Variants in RAB31 observed in about 807,000 individuals in gnomAD.
RAB31 encodes the protein RAB31, member RAS oncogene family.
RAB31 carries 21 observed loss-of-function variants against 25.6 expected under a neutral mutation model. That is an observed-to-expected ratio of 0.82 (90% confidence interval 0.58 to 1.18). RAB31 has a LOEUF of 1.18. RAB31 is among the 50% of genes most tolerant of loss of function. The probability of loss-of-function intolerance (pLI) is 0.00; values close to 1 mark genes in which losing one functional copy is unlikely to be tolerated. For missense variants in RAB31, 196 were observed against 250.1 expected (o/e 0.78, Z 1.46); for synonymous variants, 87 against 84.0 (o/e 1.04, Z -0.20).
chr18:9,816,502 T>C (rs1183262589), intron 5 of RAB31, among the ~76,000 whole-genome samples: 5 of 152,262 alleles, frequency 3.3e-5, no homozygotes, highest in Admixed American at 3.3e-4. Flanking sequence ...ATATTTTTCA[T>C]AGCATACCTG....
chr18:9,800,204 G>A (rs2068506917), intron 3 of RAB31, among the ~76,000 whole-genome samples: 1 of 152,228 alleles, frequency 6.6e-6, no homozygotes, highest in African/African-American at 2.4e-5. Flanking sequence ...CGTTCATGAA[G>A]AGGTGAAGAG....
At chr18:9,785,009 G>A (rs1490053667) in intron 2 of RAB31, 1 of 152,240 alleles carries the variant, frequency 6.6e-6, no homozygotes, top group East Asian at 1.9e-4. Flanking sequence ...CAGATCACAA[G>A]GGGTGGTCAC....
rs1284145296 is a variant in RAB31 at position 9,719,326 on chromosome 18, T to TAA, written c.39+10883_39+10884insAA. ...ATATATATATATATATATATATATA[T>TAA]ATAAATAAATAAATTTGATCTAATT... is the stretch of plus-strand genomic sequence containing the variant. On this transcript the variant is annotated intron_variant, in intron 1 of 6. Transcript: ENST00000578921. Among the ~76,000 whole-genome samples the TAA allele has an allele frequency of 4.4e-3, 278 of 63,392 alleles. 8 individuals are homozygous for TAA. Among genetic ancestry groups the TAA allele is most frequent in the African/African-American group, 0.018 (267 of 14,758 alleles). The allele number at this position is 63,392 out of a possible 152,430, so 41.6% of individuals were successfully genotyped here.
intron 1 of RAB31, among the ~76,000 whole-genome samples, chr18:9,769,733 G>C (rs1456426909): frequency 1.3e-5 from 2 of 152,202 alleles, no homozygotes; most frequent in African/African-American, 2.4e-5. Flanking sequence ...ATGCTGAATA[G>C]GAGTGGTGAG....
rs927832239 is a variant in RAB31, at chr18:9,824,288, GTGTA to G, written c.380+9070_380+9073del. ...TGTGTAGATGTGTATGTAGATGTGT[GTGTA>G]TGTGTGTGTAGATGTGTATGTGTGT... On this transcript the variant is annotated intron_variant, in intron 5 of 6. Coordinates refer to ENST00000578921, the MANE Select transcript of RAB31 (RefSeq NM_006868.4). Among the ~76,000 whole-genome samples, 30 of 86,732 alleles carry G rather than the reference GTGTA, an allele frequency of 3.5e-4. 1 individual carries two copies. Among genetic ancestry groups the G allele is most frequent in the Admixed American group, 2.1e-3 (20 of 9,708 alleles). 56.9% of individuals were successfully genotyped at this position (86,732 alleles called of 152,430 possible). A position where few individuals can be genotyped will look rare whatever the true frequency, so the allele number is the denominator to read the frequency against.
chr18:9,849,086 C>T (rs933928209), intron 6 of RAB31, among the ~76,000 whole-genome samples: 1 of 152,142 alleles, frequency 6.6e-6, no homozygotes, highest in Non-Finnish European at 1.5e-5. Context: ...TGTCTGCCTG[C>T]ATGTGGCTAA....
intron 5 of RAB31, among the ~76,000 whole-genome samples, chr18:9,832,225 G>A (rs1051702399): frequency 3.3e-5 from 5 of 152,202 alleles, no homozygotes; most frequent in African/African-American, 1.2e-4. Flanking sequence ...ACCCCAGGCC[G>A]GTGGTGGCCT....
chr18:9,827,640 A>G (rs2068656612), intron 5 of RAB31, among the ~76,000 whole-genome samples: 1 of 152,198 alleles, frequency 6.6e-6, no homozygotes, highest in African/African-American at 2.4e-5. Context: ...GACTGCTGCC[A>G]GGGAGTCCAG....
chr18:9,768,842 T>A (rs914597895), intron 1 of RAB31, among the ~76,000 whole-genome samples: 28 of 152,226 alleles, frequency 1.8e-4, no homozygotes, highest in African/African-American at 6.8e-4. Flanking sequence ...TAGGTTTAAA[T>A]CTTTAATCCA....
chr18:9,728,696 C>T (rs2068107018), intron 1 of RAB31, among the ~76,000 whole-genome samples: 1 of 152,044 alleles, frequency 6.6e-6, no homozygotes, highest in African/African-American at 2.4e-5. Context: ...TGCCACCACA[C>T]CTGGCTAATT....
At position 9,716,532 on chromosome 18, in the gene RAB31, T is replaced by C. The variant is rs1180340309; in HGVS notation, c.39+8088T>C. 3.3e-5 allele frequency among the ~76,000 whole-genome samples: 5 copies of C among 152,044 alleles called. No individual in the cohort carries two copies. The East Asian group carries it at 9.7e-4, about 29-fold the overall frequency. On this transcript the variant is annotated intron_variant, in intron 1 of 6. Transcript: ENST00000578921. ...CTTTATGGGAAAAGAAGGCAAGAGG[T>C]GGGAGTGGGCTGGCGGGGGTGACAA... is the stretch of plus-strand genomic sequence containing the variant.
At chr18:9,834,544 A>G (rs2068694930) in intron 5 of RAB31, among the ~76,000 whole-genome samples, 1 of 152,220 alleles carries the variant, frequency 6.6e-6, no homozygotes, top group African/African-American at 2.4e-5. Context: ...TTAGCAATAA[A>G]TTTCTTCTGG....
intron 1 of RAB31, among the ~76,000 whole-genome samples, chr18:9,751,480 A>G (rs1221430900): frequency 6.6e-6 from 1 of 152,232 alleles, no homozygotes; most frequent in Non-Finnish European, 1.5e-5. Flanking sequence ...TACACTGAGC[A>G]TAACTGGCTG....
chr18:9,854,620 G>A (rs746454121), intron 6 of RAB31, among the ~76,000 whole-genome samples: 5 of 152,038 alleles, frequency 3.3e-5, no homozygotes, highest in Non-Finnish European at 5.9e-5. Flanking sequence ...CATGTAGCGC[G>A]TTCCTCTTTA....
At chr18:9,784,555 A>AT (rs370039104) in intron 2 of RAB31, among the ~76,000 whole-genome samples, 52,250 of 142,004 alleles carry the variant, frequency 0.37, 10,809 homozygotes, top group East Asian at 0.79. Flanking sequence ...ATTTTAGGTG[A>AT]TTTTTTTTTT....
chr18:9,720,483 G>A (rs1239466252), intron 1 of RAB31, among the ~76,000 whole-genome samples: 1 of 152,012 alleles, frequency 6.6e-6, no homozygotes, highest in African/African-American at 2.4e-5. Flanking sequence ...GAGAGCGTGT[G>A]GTGTCTGCTA....
chr18:9,813,213 G>A (rs568081982), intron 3 of RAB31, among the ~76,000 whole-genome samples: 12 of 152,164 alleles, frequency 7.9e-5, no homozygotes, highest in Non-Finnish European at 1.0e-4. Context: ...GAAGCCCCGC[G>A]TTGGAGAGGT....
chr18:9,806,662 G>A (rs897693274), intron 3 of RAB31, among the ~76,000 whole-genome samples: 6 of 152,194 alleles, frequency 3.9e-5, no homozygotes, highest in African/African-American at 1.4e-4. Context: ...TCTGAACAGG[G>A]AAGTGAAACA....
intron 5 of RAB31, among the ~76,000 whole-genome samples, chr18:9,837,261 AAG>A (rs2068710587): frequency 6.6e-6 from 1 of 152,366 alleles, no homozygotes; most frequent in South Asian, 2.1e-4. Flanking sequence ...CTGTGCAAAA[AAG>A]AGGTAATTCA....
Sources: gnomAD v4.1 joint callset for allele counts (sites outside exome capture counted in the v4.1 genomes callset) on GRCh38, gnomAD v4.1.1 for gene constraint, MANE v1.5 for transcripts, NCBI Gene and HGNC (gene_info 2026-07-23, HGNC 2026-07-21) for gene names.